The following GRHL2 variants were observed in gnomAD, a reference collection of about 807,000 sequenced individuals.
The protein encoded by GRHL2 is grainyhead-like protein 2 homolog.
In GRHL2, 21 loss-of-function variants were observed where a neutral mutation model predicts 83.8. The observed-to-expected ratio is 0.25, with a 90% CI of 0.18 to 0.36. GRHL2 has a LOEUF of 0.36. Ranked by LOEUF, GRHL2 falls within the 10% of genes least tolerant of loss-of-function variation. The probability of loss-of-function intolerance (pLI) is 1.00; values close to 1 mark genes in which losing one functional copy is unlikely to be tolerated. For missense variants in GRHL2, 623 were observed against 781.8 expected (o/e 0.80, Z 2.42); for synonymous variants, 280 against 278.9 (o/e 1.00, Z -0.04).
In GRHL2 at chr8:101,622,835, C is replaced by T. The variant is rs62517383; in HGVS notation, c.1257+3138C>T. 2.1e-3 allele frequency among the ~76,000 whole-genome samples: 323 copies of T among 152,224 alleles called. 2 individuals carry two copies. Among genetic ancestry groups the T allele is most frequent in the South Asian group, 9.3e-3 (45 of 4,820 alleles). Reference sequence around the variant, plus strand: ...ATTTGTAGTCTTTTATCCCTCAACCCCCTCCCACTTTTCCCCAGAAGTCCC... The same window carrying T: ...ATTTGTAGTCTTTTATCCCTCAACCTCCTCCCACTTTTCCCCAGAAGTCCC... On this transcript the variant is annotated intron_variant, in intron 9 of 15. Coordinates refer to ENST00000646743, the MANE Select transcript of GRHL2 (RefSeq NM_024915.4).
At chr8:101,671,254 G>A (rs570014695), downstream of GRHL2, among the ~76,000 whole-genome samples, 129 of 152,312 alleles carry the variant, frequency 8.5e-4, 1 homozygote, top group Middle Eastern at 0.01. Context: ...AGGGGTCAGG[G>A]AGTTCCCTTT....
chr8:101,577,836 T>C (rs762816371), intron 7 of GRHL2, among the ~76,000 whole-genome samples: 12 of 152,228 alleles, frequency 7.9e-5, no homozygotes, highest in Non-Finnish European at 1.8e-4. Context: ...TAGTAGGCAG[T>C]CAGCAGGTCA....
intron 1 of GRHL2, among the ~76,000 whole-genome samples, chr8:101,509,154 C>CTTT (rs375674384): frequency 3.9e-4 from 22 of 56,904 alleles, no homozygotes; most frequent in East Asian, 6.0e-4. Flanking sequence ...TCCTTCCTTC[C>CTTT]TTCCTTTCTT....
chr8:101,587,569 C>T (rs959562284), intron 7 of GRHL2, among the ~76,000 whole-genome samples: 1 of 152,084 alleles, frequency 6.6e-6, no homozygotes, highest in Non-Finnish European at 1.5e-5. Context: ...TTGTTATATC[C>T]ATAGCTATAA....
chr8:101,516,378 C>T (rs1280881549), intron 1 of GRHL2, among the ~76,000 whole-genome samples: 1 of 151,030 alleles, frequency 6.6e-6, no homozygotes, highest in Non-Finnish European at 1.5e-5. Context: ...TGATCTCCAG[C>T]AACTGTACTG....
intron 15 of GRHL2, 127 bp from the exon 16 acceptor site, chr8:101,666,462 C>T: frequency 1.4e-6 from 1 of 705,104 alleles, no homozygotes; most frequent in Non-Finnish European, 2.6e-6. Flanking sequence ...TGTCCTCTCT[C>T]CTCCACTCCT....
intron 1 of GRHL2, among the ~76,000 whole-genome samples, chr8:101,499,805 C>T (rs886829877): frequency 1.3e-5 from 2 of 151,908 alleles, no homozygotes; most frequent in Non-Finnish European, 2.9e-5. Flanking sequence ...TGGCCAGGCG[C>T]GGTGGCTCAT....
chr8:101,542,917 GGGCTCAACACC>G, intron 1 of GRHL2: 1 of 455,646 alleles, frequency 2.2e-6, no homozygotes. Flanking sequence ...AAAGATGAGT[GGGCTCAACACC>G]ATGTGGGAGC....
intron 4 of GRHL2, among the ~76,000 whole-genome samples, chr8:101,564,544 G>T (rs1040349808): frequency 6.6e-6 from 1 of 152,096 alleles, no homozygotes; most frequent in Non-Finnish European, 1.5e-5. Context: ...GGTGGCTTGT[G>T]CCTGTAATCC....
intron 9 of GRHL2, among the ~76,000 whole-genome samples, chr8:101,629,056 AT>A (rs921543397): frequency 6.6e-6 from 1 of 152,214 alleles, no homozygotes; most frequent in African/African-American, 2.4e-5. Context: ...GGGAGGATTG[AT>A]TCCGATTTTG....
At chr8:101,598,936 C>T in intron 7 of GRHL2, 121 bp from the exon 8 acceptor site, 1 of 712,020 alleles carries the variant, frequency 1.4e-6, no homozygotes, top group African/African-American at 1.8e-5. Flanking sequence ...TAACTGTTAG[C>T]ATGGAGATAG....
chr8:101,500,929 C>T (rs1392157150), intron 1 of GRHL2, among the ~76,000 whole-genome samples: 2 of 152,158 alleles, frequency 1.3e-5, no homozygotes, highest in African/African-American at 4.8e-5. Context: ...GGATCTCTAC[C>T]TCCCATCCCC....
At chr8:101,680,159 G>T in the GRHL2 span, among the ~76,000 whole-genome samples, 3 of 114,232 alleles carry the variant, frequency 2.6e-5, no homozygotes, top group Non-Finnish European at 5.4e-5. Flanking sequence ...AGACCCATCA[G>T]TGTGCTGTAT....
chr8:101,625,068 C>T (rs1036500609), intron 9 of GRHL2, among the ~76,000 whole-genome samples: 8 of 152,016 alleles, frequency 5.3e-5, no homozygotes, highest in Non-Finnish European at 1.0e-4. Flanking sequence ...TGATGTATAA[C>T]AGATAATTTT....
chr8:101,677,112 A>G, the GRHL2 span, among the ~76,000 whole-genome samples: 4 of 152,094 alleles, frequency 2.6e-5, no homozygotes, highest in African/African-American at 9.7e-5. Context: ...ACCTAATGCT[A>G]AATGAGGAGT....
At chr8:101,602,656 T>G (rs1812540879) in intron 8 of GRHL2, among the ~76,000 whole-genome samples, 1 of 152,224 alleles carries the variant, frequency 6.6e-6, no homozygotes, top group African/African-American at 2.4e-5. Flanking sequence ...CTGGCAACCA[T>G]TAGGCCTGAG....
At chr8:101,499,883 C>T (rs968716642) in intron 1 of GRHL2, among the ~76,000 whole-genome samples, 5 of 152,134 alleles carry the variant, frequency 3.3e-5, no homozygotes, top group Non-Finnish European at 1.5e-5. Flanking sequence ...CGATATCAGT[C>T]TGGCCAATAT....
intron 1 of GRHL2, among the ~76,000 whole-genome samples, chr8:101,518,321 A>C (rs994733932): frequency 6.6e-6 from 1 of 152,204 alleles, no homozygotes; most frequent in Admixed American, 6.5e-5. Context: ...CTGAGGTAGG[A>C]GAATCACTTG....
At chr8:101,518,193 T>C (rs1294258635) in intron 1 of GRHL2, among the ~76,000 whole-genome samples, 1 of 152,170 alleles carries the variant, frequency 6.6e-6, no homozygotes, top group Non-Finnish European at 1.5e-5. Context: ...TGACTTTCCC[T>C]ATTAGAAAAT....
Sources: allele counts gnomAD v4.1 joint callset (sites outside exome capture counted in the v4.1 genomes callset), GRCh38; gene constraint gnomAD v4.1.1; transcripts MANE v1.5; gene names NCBI Gene and HGNC (gene_info 2026-07-23, HGNC 2026-07-21).